The following EPHA3 variants were observed in gnomAD, a reference collection of about 807,000 sequenced individuals.
EPHA3 encodes the protein EPH receptor A3.
EPHA3 carries 42 observed loss-of-function variants against 107.1 expected under a neutral mutation model. The observed-to-expected ratio is 0.39, with a 90% confidence interval of 0.31 to 0.51. The LOEUF is 0.51. EPHA3 is among the 20% of genes least tolerant of loss of function. The pLI is 0.78. For missense variants in EPHA3, 1,183 were observed against 1,211.2 expected (o/e 0.98, Z 0.35); for synonymous variants, 461 against 424.8 (o/e 1.09, Z -1.05).
At chr3:89,232,016 A>T (rs1158465060) in intron 3 of EPHA3, among the ~76,000 whole-genome samples, 1 of 152,094 alleles carries the variant, frequency 6.6e-6, no homozygotes, top group Non-Finnish European at 1.5e-5. Context: ...TCACACGAAG[A>T]TCTGAAGGGC....
chr3:89,107,911 C>A, intron 1 of EPHA3, 75 bp downstream of exon 1: 4 of 1,442,506 alleles, frequency 2.8e-6, no homozygotes, highest in Admixed American at 1.7e-5. Context: ...CTCACCGAAG[C>A]CTTGCACGTC....
At chr3:89,270,262 C>A (rs1399154035) in intron 3 of EPHA3, among the ~76,000 whole-genome samples, 1 of 152,018 alleles carries the variant, frequency 6.6e-6, no homozygotes, top group Non-Finnish European at 1.5e-5. Flanking sequence ...TACTATGATT[C>A]ATCATTATCA....
chr3:89,455,693 A>G (rs1710083241), intron 15 of EPHA3, among the ~76,000 whole-genome samples: 1 of 152,164 alleles, frequency 6.6e-6, no homozygotes, highest in Non-Finnish European at 1.5e-5. Flanking sequence ...TCCTTCAGAA[A>G]ACAAAAGCAT....
chr3:89,305,600 A>G (rs1172619491), intron 3 of EPHA3, among the ~76,000 whole-genome samples: 1 of 152,098 alleles, frequency 6.6e-6, no homozygotes, highest in Non-Finnish European at 1.5e-5. Flanking sequence ...TCTAAAATTC[A>G]GTCATTCTAT....
At chr3:89,323,476 C>T (rs1707090161) in intron 3 of EPHA3, among the ~76,000 whole-genome samples, 1 of 152,176 alleles carries the variant, frequency 6.6e-6, no homozygotes, top group Middle Eastern at 3.4e-3. Flanking sequence ...TATTGATTTA[C>T]CAGCATTGAG....
At chr3:89,293,571 T>G (rs1221417894) in intron 3 of EPHA3, among the ~76,000 whole-genome samples, 1 of 152,084 alleles carries the variant, frequency 6.6e-6, no homozygotes, top group Non-Finnish European at 1.5e-5. Flanking sequence ...ACGAACTTGG[T>G]GGGAGGTGAT....
chr3:89,128,390 C>A (rs1204786868), intron 2 of EPHA3, among the ~76,000 whole-genome samples: 2 of 151,968 alleles, frequency 1.3e-5, no homozygotes, highest in African/African-American at 4.8e-5. Context: ...ATTTGGTTTT[C>A]CCAGAGGTGT....
chr3:89,221,976 T>A (rs1156312239), intron 3 of EPHA3, among the ~76,000 whole-genome samples: 1 of 152,042 alleles, frequency 6.6e-6, no homozygotes, highest in Admixed American at 6.6e-5. Flanking sequence ...TAGCATAACA[T>A]CTCTTTCTTT....
chr3:89,235,531 A>T (rs1357602830), intron 3 of EPHA3, among the ~76,000 whole-genome samples: 1 of 152,034 alleles, frequency 6.6e-6, no homozygotes, highest in East Asian at 1.9e-4. Flanking sequence ...TCATTTCTTC[A>T]TATGCATGTA....
chr3:89,211,246 C>T (rs745903945), intron 3 of EPHA3, among the ~76,000 whole-genome samples: 9 of 151,910 alleles, frequency 5.9e-5, no homozygotes, highest in Non-Finnish European at 1.0e-4. Flanking sequence ...TTATTAAAAT[C>T]GCTTTATATT....
intron 1 of EPHA3, among the ~76,000 whole-genome samples, chr3:89,109,372 A>T (rs1707046073): frequency 1.3e-5 from 2 of 152,068 alleles, no homozygotes; most frequent in Admixed American, 6.5e-5. Context: ...AATAAATTAA[A>T]CTTAATGTTT....
At chr3:89,121,027 C>T (rs1487824129) in intron 1 of EPHA3, among the ~76,000 whole-genome samples, 1 of 151,994 alleles carries the variant, frequency 6.6e-6, no homozygotes, top group Non-Finnish European at 1.5e-5. Context: ...TTCACGAGGT[C>T]AGGAGATCAA....
chr3:89,454,238 C>A (rs1184201661), intron 15 of EPHA3, among the ~76,000 whole-genome samples: 1 of 152,114 alleles, frequency 6.6e-6, no homozygotes, highest in Admixed American at 6.6e-5. Context: ...TTCCCTACTT[C>A]TCTAACACTC....
chr3:89,115,214 T>C (rs537789886), intron 1 of EPHA3, among the ~76,000 whole-genome samples: 15 of 152,216 alleles, frequency 9.9e-5, no homozygotes, highest in African/African-American at 3.4e-4. Flanking sequence ...CATTCAACTC[T>C]TTTGGTGTCG....
In EPHA3 at chr3:89,480,590, A is replaced by G; in HGVS notation, c.*1088A>G. The G allele has an allele frequency of 4.3e-6, 1 of 232,736 alleles. No homozygotes were observed. Among genetic ancestry groups the G allele is most frequent in the Non-Finnish European group, 8.5e-6 (1 of 117,558 alleles). 14.4% of individuals were successfully genotyped at this position (232,736 alleles called of 1,614,324 possible). On this transcript the variant is annotated 3_prime_UTR_variant, in exon 17 of 17. Transcript: ENST00000336596. ...CCTATATAGAATGCTGCACTAATTG[A>G]CAACACAGCCTATAGGCCAATGCAT...
intron 10 of EPHA3, 42 bp downstream of exon 10, chr3:89,413,308 A>G: frequency 6.2e-7 from 1 of 1,609,190 alleles, no homozygotes; most frequent in Non-Finnish European, 8.5e-7. Flanking sequence ...ACTGTATGTG[A>G]ATCACGATTG....
chr3:89,273,396 A>G (rs1705726808), intron 3 of EPHA3, among the ~76,000 whole-genome samples: 1 of 151,988 alleles, frequency 6.6e-6, no homozygotes, highest in Non-Finnish European at 1.5e-5. Context: ...TTTAAACTTT[A>G]TATTAATAGA....
intron 3 of EPHA3, among the ~76,000 whole-genome samples, chr3:89,257,659 ATGT>A (rs1705316687): frequency 6.8e-6 from 1 of 147,432 alleles, no homozygotes; most frequent in Non-Finnish European, 1.5e-5. Flanking sequence ...AAAATACAAC[ATGT>A]TAGGAAATAA....
chr3:89,221,899 G>C (rs1704384904), intron 3 of EPHA3, among the ~76,000 whole-genome samples: 1 of 151,990 alleles, frequency 6.6e-6, no homozygotes, highest in Admixed American at 6.6e-5. Flanking sequence ...TGGAGAAATT[G>C]GTTATAAGAG....
Sources: gnomAD v4.1 joint callset for allele counts (sites outside exome capture counted in the v4.1 genomes callset) on GRCh38, gnomAD v4.1.1 for gene constraint, MANE v1.5 for transcripts, NCBI Gene and HGNC (gene_info 2026-07-23, HGNC 2026-07-21) for gene names.